The following GAS2 variants were observed in gnomAD, a reference collection of about 807,000 sequenced individuals.
The protein encoded by GAS2 is growth arrest specific 2, also known as growth arrest-specific protein 2.
GAS2 carries 20 observed loss-of-function variants against 37.5 expected under a neutral mutation model. The ratio of observed to expected loss-of-function variants is 0.53; its 90% CI spans 0.37 to 0.77. The LOEUF is 0.77. Among genes scored for constraint, GAS2 ranks in the 30% least tolerant of loss-of-function variants. The probability of loss-of-function intolerance (pLI) is 0.00; values close to 1 mark genes in which losing one functional copy is unlikely to be tolerated. For synonymous variants in GAS2, 144 were observed against 132.2 expected (o/e 1.09, Z -0.61); for missense variants, 336 against 373.4 (o/e 0.90, Z 0.82).
chr11:22,750,928 A>G (rs143939964), intron 6 of GAS2, among the ~76,000 whole-genome samples: 15 of 151,916 alleles, frequency 9.9e-5, no homozygotes, highest in African/African-American at 2.9e-4. Flanking sequence ...TTATCCTCCT[A>G]TTGAATGAAT....
At position 22,757,924 on chromosome 11, in the gene GAS2, T is replaced by G. The variant is rs144363613; in HGVS notation, c.723+1971T>G. On this transcript the variant is annotated intron_variant, in intron 7 of 7. Transcript: ENST00000454584. ...TGGTTATCCGTGGAGGCTTAAAAAT[T>G]AAAATTTCATAGGCAGGTCACATGT... 3.2e-3 allele frequency among the ~76,000 whole-genome samples: 483 copies of G among 152,270 alleles called. 1 individual carries two copies. Among genetic ancestry groups the G allele is most frequent in the Non-Finnish European group, 5.2e-3 (352 of 67,982 alleles).
intron 4 of GAS2, among the ~76,000 whole-genome samples, chr11:22,733,778 C>T (rs1048125607): frequency 1.3e-5 from 2 of 151,514 alleles, no homozygotes; most frequent in Non-Finnish European, 3.0e-5. Flanking sequence ...TCTTGAAATG[C>T]TTTTGATTAT....
chr11:22,802,497 G>A (rs12574634), intron 7 of GAS2, among the ~76,000 whole-genome samples: 46,680 of 150,918 alleles, frequency 0.31, 8,790 homozygotes, highest in Non-Finnish European at 0.41. Flanking sequence ...TTTTGGTCAC[G>A]GTCTTTTTTT....
chr11:22,630,964 C>T (rs1184597143), intron 1 of GAS2, among the ~76,000 whole-genome samples: 1 of 152,142 alleles, frequency 6.6e-6, no homozygotes, highest in African/African-American at 2.4e-5. Context: ...ATTGATTCTT[C>T]CAGGCCATGA....
At chr11:22,727,675 G>A (rs1030615667) in intron 4 of GAS2, among the ~76,000 whole-genome samples, 1 of 151,998 alleles carries the variant, frequency 6.6e-6, no homozygotes, top group Non-Finnish European at 1.5e-5. Flanking sequence ...ACAATAGTGT[G>A]CTCATGAAAT....
At chr11:22,671,570 C>T (rs1156807935) in intron 1 of GAS2, among the ~76,000 whole-genome samples, 1 of 152,036 alleles carries the variant, frequency 6.6e-6, no homozygotes, top group Non-Finnish European at 1.5e-5. Flanking sequence ...CACTTTATTT[C>T]CCACCTTTTT....
At chr11:22,706,589 G>T (rs955826895) in intron 3 of GAS2, among the ~76,000 whole-genome samples, 2 of 151,898 alleles carry the variant, frequency 1.3e-5, no homozygotes, top group Non-Finnish European at 2.9e-5. Context: ...GCGGTGTTTG[G>T]TTTTTTGTCC....
chr11:22,630,553 C>G (rs1858729796), intron 1 of GAS2, among the ~76,000 whole-genome samples: 1 of 152,190 alleles, frequency 6.6e-6, no homozygotes, highest in Non-Finnish European at 1.5e-5. Context: ...GTCTACTCAT[C>G]TGACAAAGGG....
intron 1 of GAS2, among the ~76,000 whole-genome samples, chr11:22,647,110 C>T: frequency 7.4e-6 from 1 of 135,480 alleles, no homozygotes. Flanking sequence ...GTGTGATGTT[C>T]CCCTTCCTGT....
chr11:22,792,077 A>G (rs1856193359), intron 7 of GAS2, among the ~76,000 whole-genome samples: 1 of 152,248 alleles, frequency 6.6e-6, no homozygotes. Context: ...GGAACATATC[A>G]TTGCACACAG....
chr11:22,705,403 T>C (rs1276752739), intron 3 of GAS2, among the ~76,000 whole-genome samples: 2 of 152,120 alleles, frequency 1.3e-5, no homozygotes, highest in Admixed American at 6.6e-5. Context: ...GACCAACCTA[T>C]ATAAAGTGCC....
intron 6 of GAS2, among the ~76,000 whole-genome samples, chr11:22,754,131 A>G (rs781249969): frequency 2.1e-4 from 32 of 152,060 alleles, no homozygotes; most frequent in Non-Finnish European, 4.0e-4. Context: ...AATGTTAAGT[A>G]GTTTTCTCAT....
At chr11:22,742,166 C>T (rs1361569894) in intron 5 of GAS2, among the ~76,000 whole-genome samples, 2 of 152,048 alleles carry the variant, frequency 1.3e-5, no homozygotes, top group Non-Finnish European at 2.9e-5. Context: ...ATTCGCCCTA[C>T]TTTCATTATC....
intron 1 of GAS2, among the ~76,000 whole-genome samples, chr11:22,640,806 C>T (rs1858900469): frequency 6.6e-6 from 1 of 151,992 alleles, no homozygotes; most frequent in African/African-American, 2.4e-5. Context: ...GGTTGACTGC[C>T]TATGCTTTGG....
intron 1 of GAS2, among the ~76,000 whole-genome samples, chr11:22,630,668 A>C (rs991332826): frequency 1.2e-4 from 18 of 152,160 alleles, no homozygotes; most frequent in African/African-American, 4.1e-4. Context: ...GATTGTAAGT[A>C]TTTGGCTTTA....
chr11:22,646,312 T>A (rs1169051643), intron 1 of GAS2, among the ~76,000 whole-genome samples: 1 of 152,182 alleles, frequency 6.6e-6, no homozygotes, highest in African/African-American at 2.4e-5. Context: ...GGAGGTTAAT[T>A]TAATTTTAGC....
chr11:22,726,197 G>A lies in GAS2; in HGVS notation c.268-95G>A. On this transcript the variant is annotated intron_variant, in intron 3 of 7. Coordinates refer to ENST00000454584, the MANE Select transcript of GAS2 (RefSeq NM_001143830.3). ...TTGCAAACCTACTTATTGGCATGAG[G>A]TAATTCCGAAGCATTTTGTTGAAAA... 16 of 1,249,124 alleles carry A rather than the reference G, an allele frequency of 1.3e-5. No homozygotes were observed. In the South Asian group the frequency reaches 2.2e-4, roughly 17 times the overall value. 77.4% of individuals were successfully genotyped at this position (1,249,124 alleles called of 1,614,324 possible).
intron 1 of GAS2, among the ~76,000 whole-genome samples, chr11:22,632,201 G>C (rs953446087): frequency 4.0e-5 from 6 of 151,880 alleles, no homozygotes; most frequent in Non-Finnish European, 7.4e-5. Flanking sequence ...AGCTTATTTG[G>C]ATCTTCTCTC....
At chr11:22,776,690 T>C (rs1255128357) in intron 7 of GAS2, among the ~76,000 whole-genome samples, 1 of 152,202 alleles carries the variant, frequency 6.6e-6, no homozygotes, top group African/African-American at 2.4e-5. Context: ...TGCTGACATG[T>C]ACCTGGACTC....
Sources: gnomAD v4.1 joint callset for allele counts (sites outside exome capture counted in the v4.1 genomes callset) on GRCh38, gnomAD v4.1.1 for gene constraint, MANE v1.5 for transcripts, NCBI Gene and HGNC (gene_info 2026-07-23, HGNC 2026-07-21) for gene names.